The following MAML2 variants were observed in gnomAD, a reference collection of about 807,000 sequenced individuals.
The protein encoded by MAML2 is mastermind-like protein 2.
MAML2 carries 22 observed loss-of-function variants against 96.1 expected under a neutral mutation model. The ratio of observed to expected loss-of-function variants is 0.23; its 90% CI spans 0.16 to 0.33. The LOEUF (loss-of-function observed/expected upper bound fraction) is 0.33. Among genes scored for constraint, MAML2 ranks in the 10% least tolerant of loss-of-function variants. The pLI is 1.00. For missense variants in MAML2, 1,367 were observed against 1,392.4 expected, an observed-to-expected ratio of 0.98 and a Z score of 0.29; for synonymous variants, 561 against 521.3, an observed-to-expected ratio of 1.08 and a Z score of -1.04.
At chr11:95,992,441 T>C (rs138654643) in intron 2 of MAML2, among the ~76,000 whole-genome samples, 2 of 152,334 alleles carry the variant, frequency 1.3e-5, no homozygotes, top group African/African-American at 4.8e-5. Context: ...TTGAGGTCTC[T>C]ACCAATTTTT....
intron 3 of MAML2, among the ~76,000 whole-genome samples, chr11:95,986,951 A>G (rs1197020044): frequency 6.6e-6 from 1 of 152,220 alleles, no homozygotes; most frequent in East Asian, 1.9e-4. Flanking sequence ...GACCACTAGG[A>G]ACACAGCTGT....
chr11:96,201,973 A>G lies in MAML2; in HGVS notation c.514-108456T>C, dbSNP rs1320424603. ...GTACCATGAAGGCCTCATGTTAATC[A>G]CACACAGGAGGAAAAAGAGTCTATT... On this transcript the variant is annotated intron_variant, in intron 1 of 4. Transcript: ENST00000524717. Among the ~76,000 whole-genome samples the G allele has an allele frequency of 2.0e-5, 3 of 151,516 alleles. No homozygotes were observed. In the East Asian group the frequency reaches 5.8e-4, roughly 29 times the overall value.
At chr11:96,278,088 T>A (rs1470030167) in intron 1 of MAML2, among the ~76,000 whole-genome samples, 1 of 152,206 alleles carries the variant, frequency 6.6e-6, no homozygotes, top group East Asian at 1.9e-4. Context: ...CTGCTGCTGC[T>A]GTTCTTGGAA....
At chr11:96,290,681 T>C (rs976664869) in intron 1 of MAML2, among the ~76,000 whole-genome samples, 8 of 152,234 alleles carry the variant, frequency 5.3e-5, no homozygotes, top group African/African-American at 1.7e-4. Flanking sequence ...TACCAATTTT[T>C]CTTACTTTCG....
intron 1 of MAML2, among the ~76,000 whole-genome samples, chr11:96,273,190 C>A (rs541727361): frequency 1.3e-5 from 2 of 152,196 alleles, no homozygotes; most frequent in Non-Finnish European, 2.9e-5. Flanking sequence ...CTGCTTCTGA[C>A]AGCAATTGAA....
At chr11:96,267,818 T>C (rs1013536450) in intron 1 of MAML2, among the ~76,000 whole-genome samples, 2 of 152,236 alleles carry the variant, frequency 1.3e-5, no homozygotes, top group African/African-American at 2.4e-5. Context: ...AACCCCACTC[T>C]CTGGAGGAAG....
intron 2 of MAML2, among the ~76,000 whole-genome samples, chr11:96,080,611 A>G (rs527452034): frequency 6.6e-6 from 1 of 152,278 alleles, no homozygotes; most frequent in Non-Finnish European, 1.5e-5. Context: ...TCTCATTCCC[A>G]TGCTCTTCCT....
At chr11:96,290,890 T>A (rs1208514950) in intron 1 of MAML2, among the ~76,000 whole-genome samples, 1 of 152,128 alleles carries the variant, frequency 6.6e-6, no homozygotes. Context: ...TCTTTGGCTG[T>A]TGGGTTTTTC....
At chr11:96,010,107 CCTT>C (rs1291414008) in intron 2 of MAML2, among the ~76,000 whole-genome samples, 2 of 152,146 alleles carry the variant, frequency 1.3e-5, no homozygotes, top group African/African-American at 4.8e-5. Flanking sequence ...TCATTATAAA[CCTT>C]CTGCTTTCTA....
chr11:96,171,097 C>G (rs1026109748), intron 1 of MAML2, among the ~76,000 whole-genome samples: 6 of 152,096 alleles, frequency 3.9e-5, no homozygotes, highest in Admixed American at 3.3e-4. Flanking sequence ...TTTCCTCTCT[C>G]TTACCTCCAC....
At chr11:96,211,063 T>G (rs7122473) in intron 1 of MAML2, among the ~76,000 whole-genome samples, 8,596 of 152,208 alleles carry the variant, frequency 0.056, 791 homozygotes, top group African/African-American at 0.2. Flanking sequence ...ATCAGAAATT[T>G]GGAGTCAGAT....
At chr11:96,048,356 C>T (rs78169003) in intron 2 of MAML2, among the ~76,000 whole-genome samples, 2,475 of 152,048 alleles carry the variant, frequency 0.016, 63 homozygotes, top group African/African-American at 0.057. Context: ...AAAGTAAATC[C>T]ATAAATGTTC....
At chr11:96,028,970 T>A (rs1858568215) in intron 2 of MAML2, among the ~76,000 whole-genome samples, 1 of 152,172 alleles carries the variant, frequency 6.6e-6, no homozygotes, top group African/African-American at 2.4e-5. Context: ...TTTTGCCAGA[T>A]TTATGGCAAC....
At chr11:96,243,383 C>A (rs1862463958) in intron 1 of MAML2, among the ~76,000 whole-genome samples, 1 of 152,188 alleles carries the variant, frequency 6.6e-6, no homozygotes, top group African/African-American at 2.4e-5. Flanking sequence ...GCACTTCCTG[C>A]TAGAGGAGGC....
At chr11:96,108,233 G>A (rs1040512312) in intron 1 of MAML2, among the ~76,000 whole-genome samples, 5 of 152,212 alleles carry the variant, frequency 3.3e-5, no homozygotes, top group African/African-American at 1.2e-4. Flanking sequence ...TGGTTGGTGT[G>A]TGGGGACCTC....
chr11:96,119,992 C>A (rs1860308173), intron 1 of MAML2, among the ~76,000 whole-genome samples: 1 of 137,376 alleles, frequency 7.3e-6, no homozygotes, highest in African/African-American at 2.7e-5. Context: ...GAGTCTCACT[C>A]TGTTACCCAG....
intron 1 of MAML2, among the ~76,000 whole-genome samples, chr11:96,271,590 G>T (rs767184635): frequency 6.6e-6 from 1 of 152,048 alleles, no homozygotes; most frequent in African/African-American, 2.4e-5. Context: ...TTTTATAAGG[G>T]GCTTTTCCCC....
intron 1 of MAML2, among the ~76,000 whole-genome samples, chr11:96,293,827 T>C (rs921332031): frequency 6.6e-6 from 1 of 152,228 alleles, no homozygotes; most frequent in Non-Finnish European, 1.5e-5. Flanking sequence ...GAAGATTTTA[T>C]ACATGTAGCA....
At chr11:96,178,732 A>G (rs781282624) in intron 1 of MAML2, among the ~76,000 whole-genome samples, 17 of 152,168 alleles carry the variant, frequency 1.1e-4, no homozygotes, top group Non-Finnish European at 2.2e-4. Flanking sequence ...GTGTTCCAAG[A>G]GGTAGGTGTT....
Sources: allele counts gnomAD v4.1 joint callset (sites outside exome capture counted in the v4.1 genomes callset), GRCh38; gene constraint gnomAD v4.1.1; transcripts MANE v1.5; gene names NCBI Gene and HGNC (gene_info 2026-07-23, HGNC 2026-07-21).